CNBD1: variants seen among roughly 807,000 people sequenced by gnomAD.
CNBD1 encodes the protein cyclic nucleotide binding domain containing 1, also known as cyclic nucleotide-binding domain-containing protein 1.
In CNBD1, 71 loss-of-function variants were observed where a neutral mutation model predicts 54.4. The ratio of observed to expected loss-of-function variants is 1.30; its 90% confidence interval spans 1.08 to 1.59. The LOEUF is 1.59. Among genes scored for constraint, CNBD1 ranks in the 40% most tolerant of loss-of-function variants. The pLI, the probability that CNBD1 is intolerant of heterozygous loss-of-function variation, is 0.00. For synonymous variants in CNBD1, 182 were observed against 170.7 expected (o/e 1.07, Z -0.51); for missense variants, 659 against 518.0 (o/e 1.27, Z -2.64).
Position 87,352,346 on chromosome 8 carries a change from G to T in CNBD1, c.1152+552G>T, listed in dbSNP as rs547856654. Among the ~76,000 whole-genome samples, 6 of 152,116 alleles carry T rather than the reference G, an allele frequency of 3.9e-5. No individual in the cohort carries two copies. The South Asian group carries it at 8.3e-4, about 21-fold the overall frequency. On this transcript the variant is annotated intron_variant, in intron 9 of 10. Transcript: ENST00000518476. The stretch of plus-strand genomic sequence containing the variant: ...AATACAAAAATTAGCTGGGTGTGGT[G>T]GTGCACACCTGTAGTCCCAGGTACT...
chr8:87,268,784 G>A (rs1808310008), intron 6 of CNBD1, among the ~76,000 whole-genome samples: 1 of 151,798 alleles, frequency 6.6e-6, no homozygotes, highest in African/African-American at 2.4e-5. Context: ...GTTTTTGCAT[G>A]TTGAATTATT....
At chr8:87,240,720 A>G (rs1291646618) in intron 6 of CNBD1, among the ~76,000 whole-genome samples, 1 of 152,138 alleles carries the variant, frequency 6.6e-6, no homozygotes, top group Non-Finnish European at 1.5e-5. Flanking sequence ...GCTGGGAATT[A>G]AAGGCAAAAT....
intron 4 of CNBD1, among the ~76,000 whole-genome samples, chr8:87,169,002 C>T (rs940754266): frequency 1.3e-5 from 2 of 151,984 alleles, no homozygotes; most frequent in African/African-American, 4.8e-5. Flanking sequence ...TGAAAAATCT[C>T]CAAACCACTC....
Position 87,294,744 on chromosome 8 carries a change from C to T in CNBD1, c.1042+8073C>T, listed in dbSNP as rs1808847875. 4.6e-5 allele frequency among the ~76,000 whole-genome samples: 7 copies of T among 152,296 alleles called. No homozygotes were observed. In the South Asian group the frequency reaches 1.5e-3, roughly 32 times the overall value. ...ACTCAAGCACTTTGACTACTGCCAT[C>T]TGCAAATGTTCCCAAGGCTTCTTAT... On this transcript the variant is annotated intron_variant, in intron 8 of 10. Transcript: ENST00000518476.
In CNBD1 at chr8:87,337,508, G is replaced by A. The variant is rs551149026; in HGVS notation, c.1043-14177G>A. On this transcript the variant is annotated intron_variant, in intron 8 of 10. Transcript: ENST00000518476. ...GCAGGCAGCTTCAGCAGTGGTGATG[G>A]CCATTCCCTCCCCCTGGCTTAGGCC... Among the ~76,000 whole-genome samples, 14 of 152,342 alleles carry A rather than the reference G, an allele frequency of 9.2e-5. No homozygotes were observed. The South Asian group carries it at 1.0e-3, about 11-fold the overall frequency.
chr8:87,173,360 C>T (rs539684272), intron 4 of CNBD1, among the ~76,000 whole-genome samples: 4 of 152,250 alleles, frequency 2.6e-5, no homozygotes, highest in East Asian at 1.9e-4. Flanking sequence ...TTTCTGTGTA[C>T]TTACTATTGC....
intron 4 of CNBD1, among the ~76,000 whole-genome samples, chr8:87,110,942 T>C (rs1811649356): frequency 6.6e-6 from 1 of 152,206 alleles, no homozygotes; most frequent in South Asian, 2.1e-4. Flanking sequence ...ATCTGGTATG[T>C]CATCTGCATT....
chr8:87,293,527 A>T (rs1808822836), intron 8 of CNBD1, among the ~76,000 whole-genome samples: 1 of 152,218 alleles, frequency 6.6e-6, no homozygotes, highest in Non-Finnish European at 1.5e-5. Context: ...TGGGTGACAG[A>T]GCAAGACTCC....
chr8:86,915,578 G>A (rs926424605), intron 3 of CNBD1, among the ~76,000 whole-genome samples: 9 of 152,232 alleles, frequency 5.9e-5, no homozygotes, highest in African/African-American at 2.2e-4. Context: ...CCAAAGGCAA[G>A]ATGAGTGTTG....
At chr8:87,099,049 A>AC (rs1389591269) in intron 4 of CNBD1, among the ~76,000 whole-genome samples, 2 of 149,948 alleles carry the variant, frequency 1.3e-5, no homozygotes, top group Admixed American at 6.6e-5. Flanking sequence ...AAAAAAAAAA[A>AC]AAAAAAAAAA....
intron 8 of CNBD1, among the ~76,000 whole-genome samples, chr8:87,302,867 G>A (rs1809041518): frequency 6.6e-6 from 1 of 152,172 alleles, no homozygotes; most frequent in East Asian, 1.9e-4. Context: ...GCCAAATCAT[G>A]AGTAAACTCC....
intron 8 of CNBD1, among the ~76,000 whole-genome samples, chr8:87,316,213 T>C (rs1809381909): frequency 6.6e-6 from 1 of 151,984 alleles, no homozygotes. Context: ...AATTGTTTTG[T>C]CATATACAAA....
At chr8:87,141,706 A>C (rs961518655) in intron 4 of CNBD1, among the ~76,000 whole-genome samples, 2 of 152,086 alleles carry the variant, frequency 1.3e-5, no homozygotes, top group African/African-American at 4.8e-5. Flanking sequence ...AGAGCAGCAG[A>C]CGTATTATTA....
intron 2 of CNBD1, among the ~76,000 whole-genome samples, chr8:87,404,013 G>C (rs1426740868): frequency 6.6e-6 from 1 of 152,066 alleles, no homozygotes; most frequent in Non-Finnish European, 1.5e-5. Flanking sequence ...CAGATCAACT[G>C]AGAGCACTAT....
chr8:87,059,203 A>G (rs1256083871), intron 4 of CNBD1, among the ~76,000 whole-genome samples: 1 of 152,210 alleles, frequency 6.6e-6, no homozygotes, highest in Non-Finnish European at 1.5e-5. Flanking sequence ...GGGCAAAGTC[A>G]TTCAGTAAGT....
chr8:87,205,709 T>C (rs1813957476), intron 4 of CNBD1, among the ~76,000 whole-genome samples: 1 of 150,908 alleles, frequency 6.6e-6, no homozygotes, highest in Non-Finnish European at 1.5e-5. Flanking sequence ...TACTGAGTTT[T>C]CTATTTAAAA....
In CNBD1 at chr8:87,194,853, T is replaced by C. The variant is rs141725038; in HGVS notation, c.432-11140T>C. Among the ~76,000 whole-genome samples, 743 of 152,184 alleles carry C rather than the reference T, an allele frequency of 4.9e-3. 6 individuals are homozygous for C. The highest frequency in any genetic ancestry group is 0.017 in the African/African-American group (710 of 41,540). ...TTTGCAACATGATTTGTTCTTCATG[T>C]AGTGTCTTTTTTTGTTGTTTTTTGT... On this transcript the variant is annotated intron_variant, in intron 4 of 10. Transcript: ENST00000518476.
chr8:86,889,187 A>G (rs1428420623), intron 2 of CNBD1, among the ~76,000 whole-genome samples: 2 of 152,196 alleles, frequency 1.3e-5, no homozygotes, highest in Non-Finnish European at 2.9e-5. Context: ...TAGGTTTTGC[A>G]TCATTCTGTT....
intron 6 of CNBD1, among the ~76,000 whole-genome samples, chr8:87,253,771 T>C (rs1273358752): frequency 1.3e-5 from 2 of 152,072 alleles, no homozygotes; most frequent in East Asian, 3.9e-4. Flanking sequence ...ACAGTTGCCA[T>C]TGGGAGATTG....
Sources: gnomAD v4.1 joint callset for allele counts (sites outside exome capture counted in the v4.1 genomes callset) on GRCh38, gnomAD v4.1.1 for gene constraint, MANE v1.5 for transcripts, NCBI Gene and HGNC (gene_info 2026-07-23, HGNC 2026-07-21) for gene names.